ZDHHC3: variants seen among roughly 807,000 people sequenced by gnomAD.
ZDHHC3 encodes zDHHC palmitoyltransferase 3.
In ZDHHC3, 9 loss-of-function variants were observed where a neutral mutation model predicts 30.6. That is an observed-to-expected ratio of 0.29 (90% CI 0.18 to 0.51). The LOEUF (loss-of-function observed/expected upper bound fraction) is 0.51. Ranked by LOEUF, ZDHHC3 falls within the 20% of genes least tolerant of loss-of-function variation. ZDHHC3 has a pLI of 0.97. For synonymous variants in ZDHHC3, 136 were observed against 140.2 expected (o/e 0.97, Z 0.21); for missense variants, 246 against 384.2 (o/e 0.64, Z 3.01).
At chr3:44,966,109 G>A (rs1366958238) in intron 1 of ZDHHC3, among the ~76,000 whole-genome samples, 2 of 152,102 alleles carry the variant, frequency 1.3e-5, no homozygotes, top group Non-Finnish European at 2.9e-5. Flanking sequence ...TTAGAGATAA[G>A]GATAATCTAT....
At chr3:44,940,834 C>T (rs1702380187) in intron 3 of ZDHHC3, among the ~76,000 whole-genome samples, 1 of 152,162 alleles carries the variant, frequency 6.6e-6, no homozygotes. Flanking sequence ...TGGTACTCAT[C>T]CCCAAAGGAG....
At chr3:44,953,269 T>A (rs915128064) in intron 2 of ZDHHC3, among the ~76,000 whole-genome samples, 1 of 152,192 alleles carries the variant, frequency 6.6e-6, no homozygotes, top group African/African-American at 2.4e-5. Context: ...AAGACAAACA[T>A]ATCATTACCA....
chr3:44,971,569 AC>A (rs2125936822), intron 1 of ZDHHC3, among the ~76,000 whole-genome samples: 1 of 152,248 alleles, frequency 6.6e-6, no homozygotes, highest in South Asian at 2.1e-4. Flanking sequence ...CTCCACTTCT[AC>A]TTGAGACTTT....
In ZDHHC3 at chr3:44,918,500, G is replaced by C. The variant is rs1700365122; in HGVS notation, c.*8189C>G. ...TGATGAGTGGCTGAGGCATAAGGGG[G>C]ACCACACATCCTCTGAGGCCACTAC... On this transcript the variant is annotated 3_prime_UTR_variant, in exon 7 of 7. Coordinates refer to ENST00000424952, the MANE Select transcript of ZDHHC3 (RefSeq NM_001135179.2). The C allele has an allele frequency of 1.0e-6, 1 of 985,284 alleles. No individual in the cohort carries two copies. The highest frequency in any genetic ancestry group is 1.7e-5 in the African/African-American group (1 of 57,224). The allele number at this position is 985,284 out of a possible 1,614,324, so 61.0% of individuals were successfully genotyped here.
In ZDHHC3 at chr3:44,922,770, A is replaced by C; in HGVS notation, c.*3919T>G. ...GTTCGGTAGCCTGGGGTGGGGACCG[A>C]GAATGTGCATTTCTAACAAGTTCTC... On this transcript the variant is annotated 3_prime_UTR_variant, in exon 7 of 7. Coordinates refer to ENST00000424952, the MANE Select transcript of ZDHHC3 (RefSeq NM_001135179.2). 1.0e-6 allele frequency: 1 copy of C among 985,026 alleles called. No individual in the cohort carries two copies. Among genetic ancestry groups the C allele is most frequent in the African/African-American group, 1.7e-5 (1 of 57,334 alleles). The allele number at this position is 985,026 out of a possible 1,614,324, so 61.0% of individuals were successfully genotyped here. A position where few individuals can be genotyped will look rare whatever the true frequency, so the allele number is the denominator to read the frequency against.
chr3:44,927,405 G>T (rs1329376219), intron 6 of ZDHHC3, among the ~76,000 whole-genome samples: 1 of 152,228 alleles, frequency 6.6e-6, no homozygotes, highest in Non-Finnish European at 1.5e-5. Flanking sequence ...CACCAGCCTG[G>T]GGGATCAAGC....
rs139532510 is a variant in ZDHHC3, at chr3:44,923,355, C to A, written c.*3334G>T. On this transcript the variant is annotated 3_prime_UTR_variant, in exon 7 of 7. Coordinates refer to ENST00000424952, the MANE Select transcript of ZDHHC3 (RefSeq NM_001135179.2). ...CCTCCCAAAGTGCTGGGATTACAGG[C>A]GTGAGGGATGTCCACAGTGAGAAGT... 1 of 985,246 alleles carries A rather than the reference C, an allele frequency of 1.0e-6. No individual in the cohort carries two copies. Among genetic ancestry groups the A allele is most frequent in the Non-Finnish European group, 1.2e-6 (1 of 829,936 alleles). 61.0% of individuals were successfully genotyped at this position (985,246 alleles called of 1,614,324 possible). A position where few individuals can be genotyped will look rare whatever the true frequency, so the allele number is the denominator to read the frequency against.
At chr3:44,960,357 C>T (rs1282186875) in intron 1 of ZDHHC3, among the ~76,000 whole-genome samples, 1 of 152,210 alleles carries the variant, frequency 6.6e-6, no homozygotes, top group Non-Finnish European at 1.5e-5. Flanking sequence ...ACGAATGATA[C>T]AGATCATAAC....
intron 5 of ZDHHC3, among the ~76,000 whole-genome samples, chr3:44,932,041 A>G (rs1701538821): frequency 6.6e-6 from 1 of 152,190 alleles, no homozygotes; most frequent in Admixed American, 6.5e-5. Flanking sequence ...CACCTGCCCA[A>G]GTCTGTTAAC....
At position 44,922,920 on chromosome 3, in the gene ZDHHC3, C is replaced by G. The variant is rs1700704565; in HGVS notation, c.*3769G>C. On this transcript the variant is annotated 3_prime_UTR_variant, in exon 7 of 7. Coordinates refer to ENST00000424952, the MANE Select transcript of ZDHHC3 (RefSeq NM_001135179.2). The stretch of plus-strand genomic sequence containing the variant: ...TAAGGGCACCTTCTAGGTGGGGCGC[C>G]TTCCCCTCTACTGGCTGGCTCACCC... 2 of 985,160 alleles carry G rather than the reference C, an allele frequency of 2.0e-6. No individual in the cohort carries two copies. The highest frequency in any genetic ancestry group is 1.7e-5 in the African/African-American group (1 of 57,164). The allele number at this position is 985,160 out of a possible 1,614,324, so 61.0% of individuals were successfully genotyped here.
In ZDHHC3 at chr3:44,920,946, C is replaced by T. The variant is rs771528317; in HGVS notation, c.*5743G>A. 5.5e-4 allele frequency: 544 copies of T among 985,396 alleles called. No individual in the cohort carries two copies. Among genetic ancestry groups the T allele is most frequent in the Non-Finnish European group, 5.9e-4 (493 of 829,924 alleles). The allele number at this position is 985,396 out of a possible 1,614,324, so 61.0% of individuals were successfully genotyped here. ...AAAATGGGCTGAGGGCTGCTTTTTCCTGGTAGGACTCAATTTTGAGTTTTG... is the reference window on the plus strand; with the variant it reads ...AAAATGGGCTGAGGGCTGCTTTTTCTTGGTAGGACTCAATTTTGAGTTTTG... On this transcript the variant is annotated 3_prime_UTR_variant, in exon 7 of 7. Transcript: ENST00000424952.
Position 44,943,511 on chromosome 3 carries a change from G to A in ZDHHC3, c.431+1657C>T, listed in dbSNP as rs539833974. Among the ~76,000 whole-genome samples the A allele has an allele frequency of 1.7e-3, 258 of 152,252 alleles. 1 individual carries two copies. The highest frequency in any genetic ancestry group is 3.4e-3 in the Middle Eastern group (1 of 294). ...TGCTGGAGACTGGCCACTCTCCTCT[G>A]AAAGACAGGCAGCAAGGCCAGGCAG... On this transcript the variant is annotated intron_variant, in intron 3 of 6. Transcript: ENST00000424952.
At position 44,959,902 on chromosome 3, in the gene ZDHHC3, C is replaced by T. The variant is rs1575922196; in HGVS notation, c.-24-442G>A. Among the ~76,000 whole-genome samples the T allele has an allele frequency of 6.6e-6, 1 of 152,298 alleles. No individual in the cohort carries two copies. Among genetic ancestry groups the T allele is most frequent in the Non-Finnish European group, 1.5e-5 (1 of 68,034 alleles). On this transcript the variant is annotated intron_variant, in intron 1 of 6. Transcript: ENST00000424952. The surrounding 1 kb of genome is among the most constrained non-coding windows in gnomAD (Gnocchi z 4.3). ...TCAACCTCCCAAGTACCTAGAACTACAGGCACGCACCACCACACCTGGCTA... is the reference window on the plus strand; with the variant it reads ...TCAACCTCCCAAGTACCTAGAACTATAGGCACGCACCACCACACCTGGCTA...
rs759147424 is a variant in ZDHHC3 at position 44,932,966 on chromosome 3, A to G, written c.610+152T>C. The G allele has an allele frequency of 1.2e-6, 2 of 1,613,884 alleles. No individual in the cohort carries two copies. Among genetic ancestry groups the G allele is most frequent in the Non-Finnish European group, 1.7e-6 (2 of 1,180,018 alleles). On this transcript the variant is annotated intron_variant, in intron 5 of 6. Coordinates refer to ENST00000424952, the MANE Select transcript of ZDHHC3 (RefSeq NM_001135179.2). ...ATGAAGAGAGATTCCAGTCTCTGCC[A>G]TTTCTTCCCTGTTCAGTCCATAGGC...
Position 44,924,679 on chromosome 3 carries a change from C to G in ZDHHC3, c.*2010G>C, listed in dbSNP as rs1191112950. 1 of 985,330 alleles carries G rather than the reference C, an allele frequency of 1.0e-6. No homozygotes were observed. The highest frequency in any genetic ancestry group is 1.2e-6 in the Non-Finnish European group (1 of 829,942). The allele number at this position is 985,330 out of a possible 1,614,324, so 61.0% of individuals were successfully genotyped here. On this transcript the variant is annotated 3_prime_UTR_variant, in exon 7 of 7. Transcript: ENST00000424952. ...CCCTGGAAGATGGAGTATTACCAAT[C>G]TCTTCCCCCTAGGGGAGGGCCAGAG...
In ZDHHC3 at chr3:44,923,430, T is replaced by TC; in HGVS notation, c.*3258dup. 1.0e-6 allele frequency: 1 copy of TC among 985,404 alleles called. No homozygotes were observed. Among genetic ancestry groups the TC allele is most frequent in the East Asian group, 1.1e-4 (1 of 8,802 alleles). 61.0% of individuals were successfully genotyped at this position (985,404 alleles called of 1,614,324 possible). ...GTTAATTTACCTCACCTAAACGGTT[T>TC]CTGCATTAGGGGACGGTGGATTCTA... is the stretch of plus-strand genomic sequence containing the variant. On this transcript the variant is annotated 3_prime_UTR_variant, in exon 7 of 7. Transcript: ENST00000424952.
chr3:44,951,166 G>C (rs1703414201), intron 2 of ZDHHC3, among the ~76,000 whole-genome samples: 1 of 152,142 alleles, frequency 6.6e-6, no homozygotes, highest in Admixed American at 6.5e-5. Flanking sequence ...AAATCTATAG[G>C]CTCATAAAAA....
chr3:44,975,762 T>TCACA (rs1369426552), intron 1 of ZDHHC3, among the ~76,000 whole-genome samples, 171 bp downstream of exon 1: 20 of 145,418 alleles, frequency 1.4e-4, no homozygotes, highest in African/African-American at 2.4e-4. Context: ...TCTCTCTCTC[T>TCACA]CTCTCTCTCT....
At chr3:44,932,931 G>A in intron 5 of ZDHHC3, 187 bp downstream of exon 5, 1 of 1,614,160 alleles carries the variant, frequency 6.2e-7, no homozygotes, top group Non-Finnish European at 8.5e-7. Context: ...TTAAGGGGCT[G>A]CATTTTTTCA....
Sources: allele counts gnomAD v4.1 joint callset (sites outside exome capture counted in the v4.1 genomes callset), GRCh38; gene constraint gnomAD v4.1.1; non-coding constraint Gnocchi (gnomAD v3.1); transcripts MANE v1.5; gene names NCBI Gene and HGNC (gene_info 2026-07-23, HGNC 2026-07-21).